Variants in FMN2 observed in about 807,000 individuals in gnomAD.
FMN2 encodes formin 2.
Under a neutral mutation model 142.3 loss-of-function variants are expected in FMN2, and 51 were observed. That is an observed-to-expected ratio of 0.36 (90% CI 0.29 to 0.45). The LOEUF is 0.45. Ranked by LOEUF, FMN2 falls within the 20% of genes least tolerant of loss-of-function variation. The pLI is 1.00. For synonymous variants in FMN2, 882 were observed against 869.8 expected (o/e 1.01, Z -0.25); for missense variants, 1,936 against 2,122.8 (o/e 0.91, Z 1.73).
At chr1:240,159,151 T>A (rs1167048316) in intron 2 of FMN2, among the ~76,000 whole-genome samples, 1 of 152,152 alleles carries the variant, frequency 6.6e-6, no homozygotes, top group Non-Finnish European at 1.5e-5. Flanking sequence ...ATTGGTTTGC[T>A]TGTCCAACTG....
intron 2 of FMN2, chr1:240,143,265 A>C: frequency 6.4e-7 from 1 of 1,562,282 alleles, no homozygotes; most frequent in Non-Finnish European, 8.8e-7. Flanking sequence ...TAATTTGCTT[A>C]GGGTATCCAG....
intron 7 of FMN2, among the ~76,000 whole-genome samples, chr1:240,266,610 C>G (rs1668815215): frequency 6.6e-6 from 1 of 152,068 alleles, no homozygotes; most frequent in South Asian, 2.1e-4. Flanking sequence ...TCCAGGCCAC[C>G]ATTGATGCAC....
chr1:240,196,753 AC>A (rs1665926291), intron 4 of FMN2, among the ~76,000 whole-genome samples: 1 of 152,058 alleles, frequency 6.6e-6, no homozygotes, highest in Admixed American at 6.6e-5. Flanking sequence ...CCTCAGGCGA[AC>A]CGCCGGCCTC....
chr1:240,233,318 GA>G (rs2102852030), intron 6 of FMN2, among the ~76,000 whole-genome samples: 1 of 151,226 alleles, frequency 6.6e-6, no homozygotes, highest in East Asian at 2.0e-4. Context: ...GAGGTGAACA[GA>G]AGTTGCAGTG....
intron 14 of FMN2, among the ~76,000 whole-genome samples, chr1:240,379,169 C>T (rs1482394714): frequency 6.6e-6 from 1 of 152,130 alleles, no homozygotes; most frequent in Non-Finnish European, 1.5e-5. Context: ...TCTGGGGCAT[C>T]CTTCATGCCA....
intron 16 of FMN2, among the ~76,000 whole-genome samples, chr1:240,465,071 GT>G (rs1166356213): frequency 2.0e-5 from 3 of 151,876 alleles, no homozygotes; most frequent in African/African-American, 2.4e-5. Flanking sequence ...GGTTTTGTAT[GT>G]GTGTATTTTA....
intron 8 of FMN2, among the ~76,000 whole-genome samples, chr1:240,296,462 T>TTA (rs869187647): frequency 2.3e-4 from 31 of 135,876 alleles, no homozygotes; most frequent in African/African-American, 7.7e-4. Flanking sequence ...TTTTTTTTTT[T>TTA]ACTTTATTTC....
Position 240,268,673 on chromosome 1 carries a change from G to A in FMN2, c.4153+10641G>A, listed in dbSNP as rs558056943. ...CTTTGACATTTTATTTTTCCTGATA[G>A]TTAAACTAGTTTCTAGCTATGAATA... On this transcript the variant is annotated intron_variant, in intron 7 of 17. Coordinates refer to ENST00000319653, the MANE Select transcript of FMN2 (RefSeq NM_020066.5). Among the ~76,000 whole-genome samples, 11 of 152,042 alleles carry A rather than the reference G, an allele frequency of 7.2e-5. No individual in the cohort carries two copies. The South Asian group carries it at 2.1e-3, about 29-fold the overall frequency.
At chr1:240,253,717 A>G (rs1324988200) in intron 6 of FMN2, among the ~76,000 whole-genome samples, 1 of 152,184 alleles carries the variant, frequency 6.6e-6, no homozygotes, top group African/African-American at 2.4e-5. Flanking sequence ...TATAACAGTC[A>G]CTTATTCCAA....
At chr1:240,278,758 T>C (rs2102934559) in intron 7 of FMN2, among the ~76,000 whole-genome samples, 1 of 152,234 alleles carries the variant, frequency 6.6e-6, no homozygotes, top group South Asian at 2.1e-4. Context: ...CAAATGAAAA[T>C]ACCAGAGTAT....
At chr1:240,440,234 G>A (rs12139890) in intron 16 of FMN2, among the ~76,000 whole-genome samples, 20,834 of 152,062 alleles carry the variant, frequency 0.14, 2,000 homozygotes, top group East Asian at 0.31. Flanking sequence ...AATATAAGCT[G>A]GTGAGATGCT....
chr1:240,201,986 A>G (rs1256972804), intron 4 of FMN2, among the ~76,000 whole-genome samples: 4 of 152,204 alleles, frequency 2.6e-5, no homozygotes, highest in Admixed American at 2.0e-4. Context: ...TGTAGAGTGG[A>G]CATTTGAATG....
At chr1:240,157,566 TAAAG>T (rs71813675) in intron 2 of FMN2, among the ~76,000 whole-genome samples, 11,443 of 150,624 alleles carry the variant, frequency 0.076, 494 homozygotes, top group African/African-American at 0.12. Flanking sequence ...AGAAGGGAAA[TAAAG>T]GAAGGAAGGG....
At chr1:240,356,845 G>A (rs1672289369) in intron 14 of FMN2, among the ~76,000 whole-genome samples, 1 of 152,146 alleles carries the variant, frequency 6.6e-6, no homozygotes. Flanking sequence ...TTAAATGTTA[G>A]GCACAGCTTT....
In FMN2 at chr1:240,276,823, C is replaced by T. The variant is rs903001655; in HGVS notation, c.4154-17999C>T. Reference sequence around the variant, plus strand: ...TAAGAATCAGATCAAGTGGCAAGGACGAAGAGAGATGTATTCTATATTGAG... The same window carrying T: ...TAAGAATCAGATCAAGTGGCAAGGATGAAGAGAGATGTATTCTATATTGAG... On this transcript the variant is annotated intron_variant, in intron 7 of 17. Transcript: ENST00000319653. 3.3e-5 allele frequency among the ~76,000 whole-genome samples: 5 copies of T among 152,044 alleles called. No individual in the cohort carries two copies. The East Asian group carries it at 5.8e-4, about 18-fold the overall frequency.
chr1:240,370,329 A>T (rs1672821268), intron 14 of FMN2, among the ~76,000 whole-genome samples: 1 of 152,066 alleles, frequency 6.6e-6, no homozygotes, highest in South Asian at 2.1e-4. Context: ...TGTTTTTTTC[A>T]ATGAAAATAT....
rs779368841 is a variant in FMN2, at chr1:240,207,254, A to G, written c.2442A>G (p.Pro814=). Residue 814 remains proline, a synonymous_variant, in exon 5 of 18, where the codon CCA becomes CCG. Transcript: ENST00000319653. ...GCATCTCACAGCCTCCACCACCTCC[A>G]TCCCTTCTGTGGTCTGCTGGGCAAG... is the stretch of plus-strand genomic sequence containing the variant. ...TQSISQPPPP[P]SLLWSAGQGQ... is the part of the protein sequence containing the mutation. 13 of 1,613,706 alleles carry G rather than the reference A, an allele frequency of 8.1e-6. No individual in the cohort carries two copies. In the Admixed American group the frequency reaches 2.2e-4, roughly 27 times the overall value.
chr1:240,180,084 A>T (rs538150052), intron 3 of FMN2: 3 of 802,350 alleles, frequency 3.7e-6, no homozygotes, highest in African/African-American at 3.7e-5. Flanking sequence ...TTTTTGCTTC[A>T]TGATTTGATG....
intron 2 of FMN2, chr1:240,170,536 G>A (rs1276232266): frequency 1.9e-6 from 3 of 1,548,566 alleles, no homozygotes; most frequent in African/African-American, 2.7e-5. Flanking sequence ...GAAAGGATTA[G>A]TGCCAGATGG....
Sources: gnomAD v4.1 joint callset for allele counts (sites outside exome capture counted in the v4.1 genomes callset) on GRCh38, gnomAD v4.1.1 for gene constraint, MANE v1.5 for transcripts, NCBI Gene and HGNC (gene_info 2026-07-23, HGNC 2026-07-21) for gene names.